SMC1A: variants seen among roughly 807,000 people sequenced by gnomAD.
SMC1A encodes structural maintenance of chromosomes protein 1A.
In SMC1A, 4 loss-of-function variants were observed where a neutral mutation model predicts 94.5. The observed-to-expected ratio is 0.04, with a 90% CI of 0.02 to 0.10. SMC1A has a LOEUF of 0.10. Among genes scored for constraint, SMC1A ranks in the 10% least tolerant of loss-of-function variants. The pLI is 1.00. For synonymous variants in SMC1A, 345 were observed against 347.7 expected, an observed-to-expected ratio of 0.99 and a Z score of 0.09; for missense variants, 304 against 989.0, an observed-to-expected ratio of 0.31 and a Z score of 9.29.
chrX:53,382,377 G>A lies in SMC1A; in HGVS notation c.3292C>T (p.Leu1098=). The A allele has an allele frequency of 8.3e-7, 1 of 1,206,346 alleles. No individual in the cohort carries two copies. The highest frequency in any genetic ancestry group is 1.1e-6 in the Non-Finnish European group (1 of 892,552). ...GGCTCTTCAGGGTTCTCAGGGCCCA[G>A]GAATGCCTAGGGGAAGGCAGATGGG... ...LSRNSSAQAF[L]GPENPEEPYL... is the part of the protein sequence containing the mutation. The change falls in exon 22 of 25, where the codon CTG becomes TTG. Residue 1098 remains leucine (L), a synonymous_variant. Coordinates refer to ENST00000322213, the MANE Select transcript of SMC1A (RefSeq NM_006306.4).
rs377340875 is a variant in SMC1A at position 53,412,893 on chromosome X, C to T, written c.854+7G>A. ...CCACAAGTTGCAGGCCCAGGTCTGC[C>T]TCTTACTTGATCTCCTTCTCAATCT... is the stretch of plus-strand genomic sequence containing the variant. On this transcript the variant is annotated splice_region_variant and intron_variant, in intron 5 of 24. Coordinates refer to ENST00000322213, the MANE Select transcript of SMC1A (RefSeq NM_006306.4). 9 of 1,208,499 alleles carry T rather than the reference C, an allele frequency of 7.4e-6. No individual in the cohort carries two copies. The highest frequency in any genetic ancestry group is 8.9e-6 in the Non-Finnish European group (8 of 894,054).
At chrX:53,383,034 G>C (rs1271590021) in intron 20 of SMC1A, 63 bp downstream of exon 20, 15 of 1,049,672 alleles carry the variant, frequency 1.4e-5, no homozygotes, top group Non-Finnish European at 2.0e-5. Flanking sequence ...TGTATAGCAG[G>C]CCCGTGGCAT....
intron 19 of SMC1A, 40 bp downstream of exon 19, chrX:53,394,738 C>A: frequency 6.0e-6 from 3 of 503,390 alleles, no homozygotes; most frequent in Admixed American, 5.8e-5. Flanking sequence ...CACTCCCACC[C>A]AACCCCCACC....
chrX:53,406,907 A>T (rs782762006), intron 9 of SMC1A, among the ~76,000 whole-genome samples: 1 of 111,691 alleles, frequency 9.0e-6, no homozygotes, highest in African/African-American at 3.3e-5. Context: ...CATGTTGGCC[A>T]GGCTGATCTC....
chrX:53,420,539 A>G (rs1556891911), intron 1 of SMC1A, among the ~76,000 whole-genome samples: 1 of 110,601 alleles, frequency 9.0e-6, no homozygotes, highest in East Asian at 2.8e-4. Context: ...AAAAAAAAGA[A>G]AAGAAAAAGA....
intron 3 of SMC1A, among the ~76,000 whole-genome samples, chrX:53,414,488 T>C (rs1221293391): frequency 1.8e-5 from 2 of 111,868 alleles, no homozygotes; most frequent in Non-Finnish European, 3.8e-5. Context: ...ATACTGCTGG[T>C]CTGGAGACTA....
intron 1 of SMC1A, among the ~76,000 whole-genome samples, chrX:53,416,323 A>C (rs1170745372): frequency 9.4e-6 from 1 of 106,757 alleles, no homozygotes; most frequent in Non-Finnish European, 1.9e-5. Flanking sequence ...AATAAAATAA[A>C]ATAAAATAAT....
chrX:53,409,669 C>T (rs1372406438), intron 7 of SMC1A, among the ~76,000 whole-genome samples, 166 bp from the exon 8 acceptor site: 1 of 110,598 alleles, frequency 9.0e-6, no homozygotes, highest in African/African-American at 3.3e-5. Context: ...AGATGGTGTT[C>T]GGTTTGATCT....
intron 19 of SMC1A, among the ~76,000 whole-genome samples, chrX:53,392,628 A>G (rs972264390): frequency 5.4e-5 from 6 of 110,786 alleles, no homozygotes; most frequent in Non-Finnish European, 1.1e-4. Context: ...TTGTATTTTT[A>G]GTAGAGACGG....
At chrX:53,389,070 C>T (rs2075616893) in intron 19 of SMC1A, among the ~76,000 whole-genome samples, 1 of 105,466 alleles carries the variant, frequency 9.5e-6, no homozygotes, top group South Asian at 4.3e-4. Context: ...TGATCTACAT[C>T]TAACTACCCA....
chrX:53,388,200 C>A (rs940474907), intron 19 of SMC1A, among the ~76,000 whole-genome samples: 2 of 111,155 alleles, frequency 1.8e-5, no homozygotes, highest in Non-Finnish European at 3.8e-5. Flanking sequence ...GTGAAGGAGC[C>A]GTAGCCACAA....
intron 18 of SMC1A, among the ~76,000 whole-genome samples, chrX:53,395,944 A>G (rs1333500075): frequency 2.7e-5 from 3 of 110,960 alleles, no homozygotes; most frequent in Non-Finnish European, 5.7e-5. Context: ...AAGGTTAATG[A>G]ATTACTTCAT....
intron 1 of SMC1A, among the ~76,000 whole-genome samples, chrX:53,416,299 T>C (rs2075731913): frequency 1.1e-5 from 1 of 94,194 alleles, no homozygotes; most frequent in African/African-American, 4.0e-5. Context: ...TAAGACTCCA[T>C]CTCAAAAAAA....
chrX:53,419,040 CAAAAAAAAAAAAAA>C (rs34765834), intron 1 of SMC1A, among the ~76,000 whole-genome samples: 1 of 36,752 alleles, frequency 2.7e-5, no homozygotes, highest in Non-Finnish European at 4.4e-5. Flanking sequence ...GACTCTGTCT[CAAAAAAAAAAAAAA>C]AAAAAAAAAA....
chrX:53,379,875 C>G lies in SMC1A; in HGVS notation c.*228G>C. The G allele has an allele frequency of 4.6e-6, 2 of 439,231 alleles. No homozygotes were observed. The highest frequency in any genetic ancestry group is 4.0e-6 in the Non-Finnish European group (1 of 249,838). 36.2% of individuals were successfully genotyped at this position (439,231 alleles called of 1,213,427 possible). On this transcript the variant is annotated 3_prime_UTR_variant, in exon 25 of 25. Transcript: ENST00000322213. Reference sequence around the variant, plus strand: ...TGTGTGATGAACAGATGGCCCTGTTCAGCTCAGCACCTCCTTTCAGAGGCC... The same window carrying G: ...TGTGTGATGAACAGATGGCCCTGTTGAGCTCAGCACCTCCTTTCAGAGGCC...
chrX:53,382,951 G>A, intron 20 of SMC1A, 146 bp downstream of exon 20: 1 of 627,689 alleles, frequency 1.6e-6, no homozygotes, highest in Non-Finnish European at 2.5e-6. Flanking sequence ...TAAAGCAGGT[G>A]TAATAACCCC....
intron 7 of SMC1A, among the ~76,000 whole-genome samples, chrX:53,409,716 CCT>C (rs1461317952): frequency 9.0e-6 from 1 of 110,987 alleles, no homozygotes; most frequent in Admixed American, 9.6e-5. Flanking sequence ...AGCTCCAGAA[CCT>C]CTCATAGGTG....
chrX:53,401,195 C>T (rs1336339387), intron 15 of SMC1A, among the ~76,000 whole-genome samples: 11 of 111,560 alleles, frequency 9.9e-5, no homozygotes, highest in African/African-American at 3.6e-4. Context: ...TTCTATTACA[C>T]TTTGTTGGGT....
chrX:53,404,039 CATG>C (rs1425903846), intron 13 of SMC1A, 146 bp from the exon 14 acceptor site: 13 of 511,744 alleles, frequency 2.5e-5, no homozygotes, highest in Non-Finnish European at 4.2e-5. Flanking sequence ...GTCAAGCCTC[CATG>C]ATGTTGCACT....
Sources: gnomAD v4.1 joint callset for allele counts (sites outside exome capture counted in the v4.1 genomes callset) on GRCh38, gnomAD v4.1.1 for gene constraint, MANE v1.5 for transcripts, NCBI Gene and HGNC (gene_info 2026-07-23, HGNC 2026-07-21) for gene names.